Variants in SETD4 observed in about 807,000 individuals in gnomAD.
SETD4 encodes the protein SET domain-containing protein 4.
SETD4 carries 46 observed loss-of-function variants against 58.3 expected under a neutral mutation model. The observed-to-expected ratio is 0.79, with a 90% CI of 0.62 to 1.01. The LOEUF is 1.01. SETD4 is among the 50% of genes least tolerant of loss of function. The probability of loss-of-function intolerance (pLI) is 0.00; values close to 1 mark genes in which losing one functional copy is unlikely to be tolerated. For synonymous variants in SETD4, 190 were observed against 202.6 expected (o/e 0.94, Z 0.53); for missense variants, 490 against 523.3 (o/e 0.94, Z 0.62).
Position 36,046,120 on chromosome 21 carries a change from C to T in SETD4, c.297-109G>A, listed in dbSNP as rs936431100. On this transcript the variant is annotated intron_variant, in intron 5 of 11. Coordinates refer to ENST00000332131, the MANE Select transcript of SETD4 (RefSeq NM_017438.5). Reference sequence around the variant, plus strand: ...GGAGTGTGTTCAAACTGTCAACACACTCAGTTTACTTAACAGACTCAAGAG... The same window carrying T: ...GGAGTGTGTTCAAACTGTCAACACATTCAGTTTACTTAACAGACTCAAGAG... 9 of 1,152,392 alleles carry T rather than the reference C, an allele frequency of 7.8e-6. No individual in the cohort carries two copies. The African/African-American group carries it at 1.1e-4, about 14-fold the overall frequency. 71.4% of individuals were successfully genotyped at this position (1,152,392 alleles called of 1,614,324 possible).
Position 36,035,737 on chromosome 21 carries a change from C to A in SETD4, c.*256G>T, listed in dbSNP as rs754497088. 3 of 272,954 alleles carry A rather than the reference C, an allele frequency of 1.1e-5. No individual in the cohort carries two copies. Among genetic ancestry groups the A allele is most frequent in the Non-Finnish European group, 2.1e-5 (3 of 141,552 alleles). The allele number at this position is 272,954 out of a possible 1,614,324, so 16.9% of individuals were successfully genotyped here. A position where few individuals can be genotyped will look rare whatever the true frequency, so the allele number is the denominator to read the frequency against. ...GCAGGCCCCGTGGTGACAGACCACACACGGACGCAGCTGGCTCCTGGCTGC... is the reference window on the plus strand; with the variant it reads ...GCAGGCCCCGTGGTGACAGACCACAAACGGACGCAGCTGGCTCCTGGCTGC... On this transcript the variant is annotated 3_prime_UTR_variant, in exon 12 of 12. Transcript: ENST00000332131.
In SETD4 at chr21:36,044,677, G is replaced by A. The variant is rs899681173; in HGVS notation, c.727-721C>T. ...TAACAAGCAGACAGCCCTTGTTCCT[G>A]GGCTAAGAAAGCAGAGCGGGAACCT... is the stretch of plus-strand genomic sequence containing the variant. On this transcript the variant is annotated intron_variant, in intron 6 of 11. Coordinates refer to ENST00000332131, the MANE Select transcript of SETD4 (RefSeq NM_017438.5). Among the ~76,000 whole-genome samples the A allele has an allele frequency of 1.2e-3, 179 of 152,290 alleles. 1 individual carries two copies. The highest frequency in any genetic ancestry group is 2.1e-4 in the Non-Finnish European group (14 of 68,026).
chr21:36,040,474 TG>T, intron 9 of SETD4, 100 bp downstream of exon 9: 1 of 930,984 alleles, frequency 1.1e-6, no homozygotes, highest in Non-Finnish European at 1.7e-6. Flanking sequence ...TTTTCCTCCC[TG>T]GCTGGGTATC....
At chr21:36,057,009 G>T in intron 3 of SETD4, 100 bp downstream of exon 3, 2 of 906,960 alleles carry the variant, frequency 2.2e-6, no homozygotes, top group African/African-American at 1.6e-5. Context: ...CAAACCAGCT[G>T]AAGGACAATA....
intron 4 of SETD4, among the ~76,000 whole-genome samples, chr21:36,051,974 C>T (rs1470958789): frequency 1.3e-5 from 2 of 151,304 alleles, no homozygotes; most frequent in East Asian, 3.9e-4. Context: ...TGAATATAAC[C>T]CAATAAAGGC....
At chr21:36,052,814 G>C (rs1406839585) in intron 4 of SETD4, 1 of 152,160 alleles carries the variant, frequency 6.6e-6, no homozygotes, top group Non-Finnish European at 1.5e-5. Context: ...GAGGAAACAG[G>C]AGCCAAGAGT....
At chr21:36,053,700 A>G (rs76388036) in intron 3 of SETD4, 80 bp from the exon 4 acceptor site, 3 of 1,394,706 alleles carry the variant, frequency 2.2e-6, no homozygotes, top group Non-Finnish European at 3.0e-6. Flanking sequence ...GAAAAAAAAA[A>G]TGTGAACTTC....
rs202182458 is a variant in SETD4, at chr21:36,045,986, G to A, written c.322C>T (p.Leu108=). The A allele has an allele frequency of 2.5e-6, 4 of 1,613,620 alleles. No individual in the cohort carries two copies. The highest frequency in any genetic ancestry group is 1.3e-5 in the African/African-American group (1 of 75,036). ...TKWKPPPSPL[L]ALCTFLVSEK... ...GAAACTAAAAAGGTGCACAGCGCCA[G>A]CAGAGGAGATGGAGGAGGCTTCCAC... Residue 108 remains leucine (L), a synonymous_variant, in exon 6 of 12, where the codon CTG becomes TTG. Transcript: ENST00000332131.
intron 3 of SETD4, 51 bp from the exon 4 acceptor site, chr21:36,053,671 C>T (rs1479919274): frequency 1.9e-6 from 3 of 1,570,686 alleles, no homozygotes; most frequent in Non-Finnish European, 1.7e-6. Context: ...ACTTCAAGGT[C>T]CCAGAGATAA....
chr21:36,051,247 T>G (rs1030412996), intron 4 of SETD4: 6 of 1,602,008 alleles, frequency 3.7e-6, no homozygotes, highest in Non-Finnish European at 5.1e-6. Flanking sequence ...GTTGACAACA[T>G]AAGTGCAAGT....
rs886556021 is a variant in SETD4 at position 36,043,649 on chromosome 21, T to A, written c.901+133A>T. On this transcript the variant is annotated intron_variant, in intron 7 of 11. Transcript: ENST00000332131. ...CAGCCAGTAAGAGTAAGGCTAGGCC[T>A]ACCTAGAAGAAAATTAGTGATATGT... The A allele has an allele frequency of 3.4e-6, 5 of 1,464,828 alleles. No homozygotes were observed. The African/African-American group carries it at 5.7e-5, about 17-fold the overall frequency. 90.7% of individuals were successfully genotyped at this position (1,464,828 alleles called of 1,614,324 possible).
chr21:36,047,331 T>C (rs1489142171), intron 5 of SETD4, among the ~76,000 whole-genome samples: 1 of 152,182 alleles, frequency 6.6e-6, no homozygotes, highest in Non-Finnish European at 1.5e-5. Context: ...TCGCTCTCAC[T>C]CTGTCCTCAA....
Position 36,045,439 on chromosome 21 carries a change from C to T in SETD4, c.726+143G>A, listed in dbSNP as rs565146482. 6.3e-5 allele frequency: 58 copies of T among 924,966 alleles called. No individual in the cohort carries two copies. The African/African-American group carries it at 8.9e-4, about 14-fold the overall frequency. 57.3% of individuals were successfully genotyped at this position (924,966 alleles called of 1,614,324 possible). A position where few individuals can be genotyped will look rare whatever the true frequency, so the allele number is the denominator to read the frequency against. On this transcript the variant is annotated intron_variant, in intron 6 of 11. Transcript: ENST00000332131. ...GGTCTAGAAGAACAACAGGAGCCTCCTGACGTCAGGCCAACCTGACAGGGT... is the reference window on the plus strand; with the variant it reads ...GGTCTAGAAGAACAACAGGAGCCTCTTGACGTCAGGCCAACCTGACAGGGT...
At chr21:36,042,292 G>A (rs1170935715) in intron 7 of SETD4, 1 of 152,756 alleles carries the variant, frequency 6.5e-6, no homozygotes, top group Non-Finnish European at 1.5e-5. Context: ...CTGGATATTA[G>A]TGACTGCAAC....
In SETD4 at chr21:36,036,227, C is replaced by G; in HGVS notation, c.1213G>C (p.Glu405Gln). ...AAAGTTAGTTGGTTTATCAGGGCCT[C>G]TTTTTCATCCTTCATATGAGACACC... Reference protein sequence around the residue: ...QKVSHMKDEKEALINQLTLVE... With the variant: ...QKVSHMKDEKQALINQLTLVE... The change falls in exon 11 of 12, where the codon GAG becomes CAG. Residue 405 changes from glutamate (E) to glutamine (Q), a missense_variant. Transcript: ENST00000332131. 1 of 1,609,236 alleles carries G rather than the reference C, an allele frequency of 6.2e-7. No individual in the cohort carries two copies. The highest frequency in any genetic ancestry group is 2.2e-5 in the East Asian group (1 of 44,844).
At position 36,034,867 on chromosome 21, in the gene SETD4, T is replaced by C. The variant is rs138080805; in HGVS notation, c.*1126A>G. On this transcript the variant is annotated 3_prime_UTR_variant, in exon 12 of 12. Transcript: ENST00000332131. ...GCATATGATGAAATACACTGCATTA[T>C]ACTGAATATTGAAAAAAAATATACT... The C allele has an allele frequency of 2.0e-4, 31 of 152,280 alleles. No individual in the cohort carries two copies. In the East Asian group the frequency reaches 5.8e-3, roughly 28 times the overall value. 9.4% of individuals were successfully genotyped at this position (152,280 alleles called of 1,614,324 possible).
intron 5 of SETD4, among the ~76,000 whole-genome samples, chr21:36,047,504 G>C (rs374230502): frequency 6.6e-6 from 1 of 152,200 alleles, no homozygotes; most frequent in Non-Finnish European, 1.5e-5. Flanking sequence ...AAATAAGAGA[G>C]AGTAACTTAC....
rs1411400850 is a variant in SETD4 at position 36,043,857 on chromosome 21, C to T, written c.826G>A (p.Asp276Asn). ...TATTCCAGGAACAGCCGTTGATTAT[C>T]GTGAGGGCCGTAACAGATGAATACC... Reference protein sequence around the residue: ...EEVFICYGPHDNQRLFLEYGF... With the variant: ...EEVFICYGPHNNQRLFLEYGF... The change falls in exon 7 of 12, where the codon GAT (aspartate) becomes AAT (asparagine). Residue 276 changes from aspartate to asparagine, a missense_variant. By Grantham distance (23) the Asp-to-Asn change is conservative. Transcript: ENST00000332131. 4.3e-6 allele frequency: 7 copies of T among 1,614,082 alleles called. No individual in the cohort carries two copies. In the Admixed American group the frequency reaches 5.0e-5, roughly 12 times the overall value.
At chr21:36,045,022 C>T (rs1223158831) in intron 6 of SETD4, among the ~76,000 whole-genome samples, 2 of 152,248 alleles carry the variant, frequency 1.3e-5, no homozygotes. Flanking sequence ...TTTCCCAGAA[C>T]CCTTTCCCCA....
Sources: allele counts gnomAD v4.1 joint callset (sites outside exome capture counted in the v4.1 genomes callset), GRCh38; gene constraint gnomAD v4.1.1; transcripts MANE v1.5; gene names NCBI Gene and HGNC (gene_info 2026-07-23, HGNC 2026-07-21).